Variants in C1GALT1 observed in about 807,000 individuals in gnomAD.
C1GALT1 encodes the protein glycoprotein-N-acetylgalactosamine 3-beta-galactosyltransferase 1.
C1GALT1 carries 11 observed loss-of-function variants against 31.0 expected under a neutral mutation model. That is an observed-to-expected ratio of 0.36 (90% CI 0.22 to 0.59). C1GALT1 has a LOEUF of 0.59. C1GALT1 is among the 20% of genes least tolerant of loss of function. The pLI is 0.79. For missense variants in C1GALT1, 424 were observed against 425.2 expected (o/e 1.00, Z 0.03); for synonymous variants, 175 against 143.6 (o/e 1.22, Z -1.56).
At chr7:7,200,008 T>C (rs1017942175) in intron 1 of C1GALT1, among the ~76,000 whole-genome samples, 10 of 152,256 alleles carry the variant, frequency 6.6e-5, no homozygotes, top group Admixed American at 5.9e-4. Context: ...TGCCAGTTTG[T>C]GTCTTTTAAT....
chr7:7,232,466 G>A (rs1329841067), intron 1 of C1GALT1, among the ~76,000 whole-genome samples: 2 of 148,476 alleles, frequency 1.3e-5, no homozygotes, highest in Non-Finnish European at 3.0e-5. Context: ...TTTGAGAAAT[G>A]TAATGGAAAG....
chr7:7,191,901 T>C (rs1781090665), intron 1 of C1GALT1, among the ~76,000 whole-genome samples: 1 of 152,070 alleles, frequency 6.6e-6, no homozygotes, highest in African/African-American at 2.4e-5. Flanking sequence ...TTTGCCTGTA[T>C]TTTCACCCAT....
In C1GALT1 at chr7:7,245,632, C is replaced by T. The variant is rs1783814710; in HGVS notation, c.*1905C>T. On this transcript the variant is annotated 3_prime_UTR_variant, in exon 4 of 4. Coordinates refer to ENST00000436587, the MANE Select transcript of C1GALT1 (RefSeq NM_020156.5). ...TTTTTACCTATTATCATGGTAGTAT[C>T]ATCTGCCAAAATTTCAAGGCATTCA... 1.3e-5 allele frequency: 2 copies of T among 152,330 alleles called. No individual in the cohort carries two copies. The highest frequency in any genetic ancestry group is 4.8e-5 in the African/African-American group (2 of 41,572). 9.4% of individuals were successfully genotyped at this position (152,330 alleles called of 1,614,324 possible).
At chr7:7,209,976 C>T (rs564283711) in intron 1 of C1GALT1, among the ~76,000 whole-genome samples, 8 of 152,004 alleles carry the variant, frequency 5.3e-5, no homozygotes, top group Non-Finnish European at 1.0e-4. Flanking sequence ...AGTGGGGGAG[C>T]TTTTGAGCCA....
intron 1 of C1GALT1, among the ~76,000 whole-genome samples, chr7:7,196,779 T>C (rs886311725): frequency 1.3e-5 from 2 of 152,158 alleles, no homozygotes; most frequent in Non-Finnish European, 2.9e-5. Context: ...AATGGTATCT[T>C]ATTGTGGTTT....
chr7:7,161,520 C>T (rs1450708892), intron 2 of C1GALT1, among the ~76,000 whole-genome samples: 1 of 152,072 alleles, frequency 6.6e-6, no homozygotes, highest in African/African-American at 2.4e-5. Flanking sequence ...ATAAGAGTTG[C>T]TGATAAAAAT....
intron 1 of C1GALT1, among the ~76,000 whole-genome samples, chr7:7,215,393 GC>G (rs1487711440): frequency 6.6e-6 from 1 of 151,702 alleles, no homozygotes; most frequent in Non-Finnish European, 1.5e-5. Context: ...GCCAGTTTGT[GC>G]CGGGAGAGAA....
In C1GALT1 at chr7:7,243,816, A is replaced by G; in HGVS notation, c.*89A>G. The G allele has an allele frequency of 2.1e-6, 2 of 958,480 alleles. No individual in the cohort carries two copies. Among genetic ancestry groups the G allele is most frequent in the Non-Finnish European group, 1.5e-6 (1 of 653,674 alleles). 59.4% of individuals were successfully genotyped at this position (958,480 alleles called of 1,614,324 possible). ...TTCTGACATAGAACACTGGAATCCC[A>G]GTGAGGAATTCTAAGTGAACATTCC... On this transcript the variant is annotated 3_prime_UTR_variant, in exon 4 of 4. Transcript: ENST00000436587.
At chr7:7,180,345 G>C (rs1378063041), upstream of C1GALT1, among the ~76,000 whole-genome samples, 1 of 152,176 alleles carries the variant, frequency 6.6e-6, no homozygotes, top group Non-Finnish European at 1.5e-5. Flanking sequence ...GGAGATAATT[G>C]CACAATTGTG....
intron 1 of C1GALT1, among the ~76,000 whole-genome samples, chr7:7,199,150 T>C (rs1781428604): frequency 6.6e-6 from 1 of 152,250 alleles, no homozygotes; most frequent in African/African-American, 2.4e-5. Flanking sequence ...TTTAGATCTT[T>C]CCTGCTTTCT....
intron 1 of C1GALT1, among the ~76,000 whole-genome samples, chr7:7,214,329 G>A (rs1257002252): frequency 6.6e-6 from 1 of 152,016 alleles, no homozygotes; most frequent in Non-Finnish European, 1.5e-5. Flanking sequence ...AGTTATCTTA[G>A]GACCTCTCAT....
At chr7:7,185,571 G>A (rs1323275854) in intron 1 of C1GALT1, among the ~76,000 whole-genome samples, 1 of 152,070 alleles carries the variant, frequency 6.6e-6, no homozygotes, top group East Asian at 1.9e-4. Flanking sequence ...TTTTTGGCTT[G>A]CAGCTATGTC....
intron 1 of C1GALT1, among the ~76,000 whole-genome samples, chr7:7,201,209 G>C (rs1033396224): frequency 6.6e-6 from 1 of 152,128 alleles, no homozygotes; most frequent in African/African-American, 2.4e-5. Flanking sequence ...CTGTTTGTTG[G>C]TTTTCCTTCT....
intron 1 of C1GALT1, among the ~76,000 whole-genome samples, chr7:7,201,368 T>TC (rs1455186358): frequency 6.6e-6 from 1 of 152,134 alleles, no homozygotes; most frequent in Non-Finnish European, 1.5e-5. Flanking sequence ...TCTGGAAGCT[T>TC]CGTCTCAGAG....
chr7:7,238,285 A>G lies in C1GALT1; in HGVS notation c.251A>G (p.Tyr84Cys). The change falls in exon 3 of 4, where the codon TAT (tyrosine) becomes TGT (cysteine). Residue 84 changes from tyrosine (Y) to cysteine (C), a missense_variant. Transcript: ENST00000436587. The surrounding 1 kb of genome is among the most constrained non-coding windows in gnomAD (Gnocchi z 5.2). ...DENTDIAENL[Y>C]QKVRILCWVM... ...AACACAGACATTGCTGAAAACCTCT[A>G]TCAGAAAGTTAGAATTCTTTGCTGG... 3 of 1,607,932 alleles carry G rather than the reference A, an allele frequency of 1.9e-6. No homozygotes were observed. The highest frequency in any genetic ancestry group is 2.5e-6 in the Non-Finnish European group (3 of 1,178,348).
At chr7:7,233,524 T>C (rs9639031) in intron 1 of C1GALT1, among the ~76,000 whole-genome samples, 79,612 of 152,106 alleles carry the variant, frequency 0.52, 21,746 homozygotes, top group East Asian at 0.71. Flanking sequence ...CCACCCGCCT[T>C]GGCCTCCCAG....
rs1442316383 is a variant in C1GALT1, at chr7:7,245,346, T to G, written c.*1619T>G. 1.3e-5 allele frequency: 2 copies of G among 152,322 alleles called. No individual in the cohort carries two copies. The highest frequency in any genetic ancestry group is 4.8e-5 in the African/African-American group (2 of 41,456). The allele number at this position is 152,322 out of a possible 1,614,324, so 9.4% of individuals were successfully genotyped here. ...GCACGCGCTGCCACGCCCCGCCAGT[T>G]TTCATATTTTTAGTAGAGACAGGGT... On this transcript the variant is annotated 3_prime_UTR_variant, in exon 4 of 4. Coordinates refer to ENST00000436587, the MANE Select transcript of C1GALT1 (RefSeq NM_020156.5).
chr7:7,172,630 T>TC (rs1780466123), intron 2 of C1GALT1, among the ~76,000 whole-genome samples: 1 of 150,478 alleles, frequency 6.6e-6, no homozygotes, highest in Admixed American at 6.6e-5. Context: ...CTGTAAACTC[T>TC]AAAAAAAAAA....
chr7:7,217,258 C>CAGAAAGA (rs1207575872), intron 1 of C1GALT1, among the ~76,000 whole-genome samples: 2 of 151,784 alleles, frequency 1.3e-5, no homozygotes, highest in African/African-American at 2.4e-5. Flanking sequence ...TTGAATAGGC[C>CAGAAAGA]AGAAAGAAGA....
Sources: gnomAD v4.1 joint callset for allele counts (sites outside exome capture counted in the v4.1 genomes callset) on GRCh38, gnomAD v4.1.1 for gene constraint, Gnocchi (gnomAD v3.1) non-coding constraint, MANE v1.5 for transcripts, NCBI Gene and HGNC (gene_info 2026-07-23, HGNC 2026-07-21) for gene names.